MYH15: variants seen among roughly 807,000 people sequenced by gnomAD.
The protein encoded by MYH15 is myosin-15.
Under a neutral mutation model 240.5 loss-of-function variants are expected in MYH15, and 227 were observed. The observed-to-expected ratio is 0.94, with a 90% CI of 0.85 to 1.05. The LOEUF is 1.05. Ranked by LOEUF, MYH15 falls within the 50% of genes least tolerant of loss-of-function variation. The pLI is 0.00. For synonymous variants in MYH15, 785 were observed against 796.7 expected (o/e 0.99, Z 0.25); for missense variants, 2,217 against 2,247.5 (o/e 0.99, Z 0.27).
intron 14 of MYH15, among the ~76,000 whole-genome samples, chr3:108,468,453 T>C (rs1419968300): frequency 2.6e-5 from 4 of 152,236 alleles, no homozygotes; most frequent in Non-Finnish European, 4.4e-5. Context: ...TCATTAATAT[T>C]TGCTACAAAT....
At chr3:108,452,692 A>C (rs1423007741) in intron 21 of MYH15, among the ~76,000 whole-genome samples, 1 of 152,228 alleles carries the variant, frequency 6.6e-6, no homozygotes. Flanking sequence ...TAACATATAT[A>C]AAACATGGAA....
intron 21 of MYH15, among the ~76,000 whole-genome samples, chr3:108,445,834 AC>A (rs1338814151): frequency 3.1e-5 from 3 of 96,984 alleles, no homozygotes; most frequent in African/African-American, 1.2e-4. Context: ...ACAAAAGGAC[AC>A]ACAGATTTGA....
At chr3:108,489,833 C>A (rs539235302) in intron 9 of MYH15, among the ~76,000 whole-genome samples, 56 of 152,228 alleles carry the variant, frequency 3.7e-4, no homozygotes, top group African/African-American at 1.3e-3. Flanking sequence ...AAATGTCCCC[C>A]AAAAGGACAA....
chr3:108,495,925 T>A, intron 6 of MYH15, 53 bp from the exon 7 acceptor site: 1 of 1,390,012 alleles, frequency 7.2e-7, no homozygotes, highest in Non-Finnish European at 1.0e-6. Flanking sequence ...TAGAATTCTG[T>A]AATGCGGCAA....
At chr3:108,476,841 A>G (rs1469553470) in intron 11 of MYH15, among the ~76,000 whole-genome samples, 1 of 152,184 alleles carries the variant, frequency 6.6e-6, no homozygotes, top group Non-Finnish European at 1.5e-5. Flanking sequence ...AAGGATGTGG[A>G]AAAATGTGAA....
At position 108,464,925 on chromosome 3, in the gene MYH15, T is replaced by G. The variant is rs1010708256; in HGVS notation, c.1555-111A>C. 35 of 904,528 alleles carry G rather than the reference T, an allele frequency of 3.9e-5. No homozygotes were observed. The African/African-American group carries it at 5.5e-4, about 14-fold the overall frequency. The allele number at this position is 904,528 out of a possible 1,614,324, so 56.0% of individuals were successfully genotyped here. On this transcript the variant is annotated intron_variant, in intron 14 of 40. Transcript: ENST00000693548. Reference sequence around the variant, plus strand: ...CCTAATCAGTTGACAAAGGGAAGAATATTCACTGCATAAAACTAGCAATCA... The same window carrying G: ...CCTAATCAGTTGACAAAGGGAAGAAGATTCACTGCATAAAACTAGCAATCA...
intron 38 of MYH15, among the ~76,000 whole-genome samples, chr3:108,388,689 C>A (rs2082400927): frequency 6.6e-6 from 1 of 152,226 alleles, no homozygotes; most frequent in Non-Finnish European, 1.5e-5. Context: ...GAAAGCACTG[C>A]AAACACTATG....
chr3:108,456,841 T>C lies in MYH15; in HGVS notation c.2063A>G (p.Asn688Ser), dbSNP rs1307720156. 3.1e-6 allele frequency: 5 copies of C among 1,613,556 alleles called. No individual in the cohort carries two copies. In the Admixed American group the frequency reaches 6.7e-5, roughly 22 times the overall value. Residue 688 changes from asparagine (N) to serine (S), a missense_variant, in exon 19 of 41, where the codon AAT (asparagine) becomes AGT (serine). Coordinates refer to ENST00000693548, the MANE Select transcript of MYH15 (RefSeq NM_014981.3). ...TATCCTAGTCCCTTCCAAGACACCA[T>C]TACAGCGCAACTGCTGTAGAACCAA... ...PYLVLQQLRC[N>S]GVLEGTRICR...
chr3:108,424,267 C>A (rs2082709268), intron 27 of MYH15, among the ~76,000 whole-genome samples: 1 of 152,200 alleles, frequency 6.6e-6, no homozygotes, highest in African/African-American at 2.4e-5. Flanking sequence ...GGCACTTGCC[C>A]TTAGGTATAG....
chr3:108,435,493 C>A (rs1481446415), intron 25 of MYH15, among the ~76,000 whole-genome samples: 1 of 152,016 alleles, frequency 6.6e-6, no homozygotes, highest in Non-Finnish European at 1.5e-5. Flanking sequence ...CCCTTGGCAA[C>A]CACTTTTCTA....
chr3:108,513,980 C>T (rs141192007), upstream of MYH15, among the ~76,000 whole-genome samples: 275 of 152,250 alleles, frequency 1.8e-3, 1 homozygote, highest in Middle Eastern at 0.014. Context: ...TATATTGATA[C>T]GGCACAATTT....
At chr3:108,525,440 C>T (rs1020606519) in intron 1 of MYH15, among the ~76,000 whole-genome samples, 2 of 152,064 alleles carry the variant, frequency 1.3e-5, no homozygotes, top group African/African-American at 4.8e-5. Context: ...TGGAAATTTT[C>T]TGTCAGCCAG....
In MYH15 at chr3:108,495,818, T is replaced by C; in HGVS notation, c.673A>G (p.Asn225Asp). The change falls in exon 7 of 41, where the codon AAT becomes GAT. Residue 225 changes from asparagine (N) to aspartate (D), a missense_variant. Physicochemically the swap from Asn to Asp is conservative, Grantham distance 23. Coordinates refer to ENST00000693548, the MANE Select transcript of MYH15 (RefSeq NM_014981.3). The part of the protein sequence containing the change: ...QANTILEAFG[N>D]AKTLRNDNSS... ...TTGTCATTTCTCAGGGTTTTAGCAT[T>C]TCCAAATGCTTCCAAGATAGTATTC... is the stretch of plus-strand genomic sequence containing the variant. The C allele has an allele frequency of 6.2e-7, 1 of 1,612,914 alleles. No homozygotes were observed. The highest frequency in any genetic ancestry group is 1.3e-5 in the African/African-American group (1 of 75,050).
intron 38 of MYH15, among the ~76,000 whole-genome samples, chr3:108,385,246 C>T (rs1328645395): frequency 6.6e-6 from 1 of 152,156 alleles, no homozygotes; most frequent in Non-Finnish European, 1.5e-5. Context: ...ATTATAAAAG[C>T]CACATATGCA....
intron 25 of MYH15, among the ~76,000 whole-genome samples, chr3:108,432,479 G>C (rs2082786595): frequency 6.6e-6 from 1 of 152,152 alleles, no homozygotes; most frequent in Admixed American, 6.5e-5. Flanking sequence ...GCAGAAATTT[G>C]CATAAGTTAC....
intron 31 of MYH15, 126 bp downstream of exon 31, chr3:108,410,457 A>C (rs2082580216): frequency 1.8e-6 from 1 of 569,828 alleles, no homozygotes; most frequent in Non-Finnish European, 2.9e-6. Context: ...AGTCAAACAG[A>C]AGTATAAAAA....
chr3:108,542,196 C>T, the MYH15 span, among the ~76,000 whole-genome samples: 1 of 152,048 alleles, frequency 6.6e-6, no homozygotes, highest in African/African-American at 2.4e-5. Context: ...CCTGGCACCC[C>T]TATTATTTAC....
the MYH15 span, among the ~76,000 whole-genome samples, chr3:108,547,559 T>C: frequency 2.0e-5 from 3 of 152,116 alleles, no homozygotes; most frequent in Admixed American, 6.6e-5. Context: ...ATGCTTAACA[T>C]GCCTATTTAT....
At position 108,457,474 on chromosome 3, in the gene MYH15, A is replaced by G. The variant is rs146366363; in HGVS notation, c.2021-591T>C. Among the ~76,000 whole-genome samples the G allele has an allele frequency of 6.5e-3, 991 of 152,270 alleles. 9 individuals carry two copies. Among genetic ancestry groups the G allele is most frequent in the African/African-American group, 0.019 (788 of 41,546 alleles). The stretch of plus-strand genomic sequence containing the variant: ...TCCTTCTGTCACCTTCTCGTTCATC[A>G]AAAGAAGCTCTACTGCAGCTGTCAG... On this transcript the variant is annotated intron_variant, in intron 18 of 40. Transcript: ENST00000693548.
Sources: gnomAD v4.1 joint callset for allele counts (sites outside exome capture counted in the v4.1 genomes callset) on GRCh38, gnomAD v4.1.1 for gene constraint, MANE v1.5 for transcripts, NCBI Gene and HGNC (gene_info 2026-07-23, HGNC 2026-07-21) for gene names.